ATXN1: variants seen among roughly 807,000 people sequenced by gnomAD.
ATXN1 encodes ataxin 1, also known as ataxin-1.
Under a neutral mutation model 56.4 loss-of-function variants are expected in ATXN1, and 8 were observed. The observed-to-expected ratio is 0.14, with a 90% CI of 0.08 to 0.26. The LOEUF is 0.26. Among genes scored for constraint, ATXN1 ranks in the 10% least tolerant of loss-of-function variants. The probability of loss-of-function intolerance (pLI) is 1.00; values close to 1 mark genes in which losing one functional copy is unlikely to be tolerated. For missense variants in ATXN1, 987 were observed against 1,106.5 expected (o/e 0.89, Z 1.53); for synonymous variants, 514 against 494.6 (o/e 1.04, Z -0.52).
At chr6:16,580,049 T>G (rs143040254) in intron 4 of ATXN1, among the ~76,000 whole-genome samples, 1 of 152,294 alleles carries the variant, frequency 6.6e-6, no homozygotes, top group East Asian at 1.9e-4. Flanking sequence ...AGCTGCTTCT[T>G]GCTAATAAAA....
At chr6:16,491,690 C>G (rs1490856033) in intron 5 of ATXN1, among the ~76,000 whole-genome samples, 1 of 152,148 alleles carries the variant, frequency 6.6e-6, no homozygotes, top group African/African-American at 2.4e-5. Flanking sequence ...CACCTCTTCC[C>G]AGTTAGTCAG....
chr6:16,618,115 G>C (rs1203280557), intron 3 of ATXN1, among the ~76,000 whole-genome samples: 10 of 151,926 alleles, frequency 6.6e-5, no homozygotes, highest in Non-Finnish European at 1.5e-4. Context: ...CCTTTACAGG[G>C]ACATGGATGA....
chr6:16,599,197 C>T lies in ATXN1; in HGVS notation c.-488-13290G>A, dbSNP rs529153729. Among the ~76,000 whole-genome samples the T allele has an allele frequency of 5.9e-5, 9 of 152,274 alleles. No individual in the cohort carries two copies. In the East Asian group the frequency reaches 1.7e-3, roughly 29 times the overall value. On this transcript the variant is annotated intron_variant, in intron 3 of 7. Coordinates refer to ENST00000436367, the MANE Select transcript of ATXN1 (RefSeq NM_001128164.2). ...CCCAGGGATCAGTCTTCCTTCACCT[C>T]ACTCTAAAGGGCCAGCCATCATTGC...
chr6:16,723,876 T>C (rs536564610), intron 2 of ATXN1, among the ~76,000 whole-genome samples: 101 of 152,310 alleles, frequency 6.6e-4, no homozygotes, highest in African/African-American at 2.4e-3. Flanking sequence ...TTTCTGGCTA[T>C]CATGCAATTT....
intron 5 of ATXN1, among the ~76,000 whole-genome samples, chr6:16,514,765 C>T (rs529693115): frequency 1.3e-4 from 19 of 151,998 alleles, no homozygotes; most frequent in Middle Eastern, 3.4e-3. Context: ...GGGCAGATCA[C>T]GAGGTCAAGA....
At chr6:16,560,148 A>T (rs1762090191) in intron 4 of ATXN1, among the ~76,000 whole-genome samples, 1 of 152,252 alleles carries the variant, frequency 6.6e-6, no homozygotes, top group Non-Finnish European at 1.5e-5. Flanking sequence ...TATTCTGCGT[A>T]GCTGAATTTT....
At chr6:16,553,163 G>C (rs1409151277) in intron 4 of ATXN1, among the ~76,000 whole-genome samples, 1 of 152,206 alleles carries the variant, frequency 6.6e-6, no homozygotes, top group Non-Finnish European at 1.5e-5. Flanking sequence ...AAAGAAAACT[G>C]TGGTTTGGGT....
chr6:16,655,338 T>C (rs1021931606), intron 3 of ATXN1, among the ~76,000 whole-genome samples: 2 of 152,072 alleles, frequency 1.3e-5, no homozygotes, highest in African/African-American at 4.8e-5. Context: ...CTGGACAACA[T>C]AGCGAGACCT....
intron 3 of ATXN1, among the ~76,000 whole-genome samples, chr6:16,623,011 C>G (rs552447874): frequency 2.0e-5 from 3 of 152,218 alleles, no homozygotes; most frequent in East Asian, 3.9e-4. Context: ...TGAAATGTAT[C>G]TATATTGCTC....
rs1473852522 is a variant in ATXN1, at chr6:16,506,289, A to G, written c.-299+16338T>C. ...TCGTTTCAAGTTCATCATTTTATTAAGCAATGAGTCAAATGAAGAAAGTGG... is the reference window on the plus strand; with the variant it reads ...TCGTTTCAAGTTCATCATTTTATTAGGCAATGAGTCAAATGAAGAAAGTGG... On this transcript the variant is annotated intron_variant, in intron 5 of 7. Coordinates refer to ENST00000436367, the MANE Select transcript of ATXN1 (RefSeq NM_001128164.2). This position sits in a 1 kb window ranked among gnomAD's most constrained non-coding sequence, Gnocchi z 4.1. 6.6e-6 allele frequency among the ~76,000 whole-genome samples: 1 copy of G among 152,228 alleles called. No homozygotes were observed. The highest frequency in any genetic ancestry group is 2.4e-5 in the African/African-American group (1 of 41,460).
intron 6 of ATXN1, among the ~76,000 whole-genome samples, chr6:16,390,098 G>C (rs1309931116): frequency 6.6e-6 from 1 of 152,108 alleles, no homozygotes; most frequent in Non-Finnish European, 1.5e-5. Flanking sequence ...GTAATGTCTG[G>C]CTAACACGAG....
intron 4 of ATXN1, among the ~76,000 whole-genome samples, chr6:16,528,720 C>T (rs148622108): frequency 1.6e-4 from 25 of 152,142 alleles, no homozygotes; most frequent in African/African-American, 4.8e-4. Flanking sequence ...CCTCATTGTA[C>T]AGATGAGGAA....
intron 6 of ATXN1, among the ~76,000 whole-genome samples, chr6:16,394,561 A>C (rs1758415795): frequency 6.6e-6 from 1 of 152,174 alleles, no homozygotes. Context: ...TTGTTATGAG[A>C]ACATTCAAAT....
At chr6:16,716,662 A>G (rs541187208) in intron 2 of ATXN1, among the ~76,000 whole-genome samples, 35 of 152,334 alleles carry the variant, frequency 2.3e-4, no homozygotes, top group Admixed American at 4.6e-4. Flanking sequence ...CAGATAGTAG[A>G]TATTTCAGGC....
chr6:16,490,586 C>T (rs1760640558), intron 5 of ATXN1, among the ~76,000 whole-genome samples: 1 of 152,156 alleles, frequency 6.6e-6, no homozygotes, highest in African/African-American at 2.4e-5. Context: ...TTGCTGAGTC[C>T]TCCTCTTAAC....
intron 4 of ATXN1, among the ~76,000 whole-genome samples, chr6:16,548,072 C>T (rs1220731861): frequency 1.3e-5 from 2 of 152,192 alleles, no homozygotes; most frequent in Non-Finnish European, 2.9e-5. Context: ...GGACAGCCTA[C>T]TACACATCTA....
At chr6:16,455,870 G>GGTAAAATGCACCAATCAACGCTCT (rs1279326648) in intron 6 of ATXN1, among the ~76,000 whole-genome samples, 3 of 152,022 alleles carry the variant, frequency 2.0e-5, no homozygotes, top group Non-Finnish European at 4.4e-5. Context: ...ATCAGCACTT[G>GGTAAAATGCACCAATCAACGCTCT]GTAAAATGCA....
chr6:16,668,576 G>C (rs1008342911), intron 2 of ATXN1, among the ~76,000 whole-genome samples: 2 of 151,986 alleles, frequency 1.3e-5, no homozygotes, highest in Non-Finnish European at 2.9e-5. Context: ...TAGTTTATTT[G>C]TGACTTTCTC....
At chr6:16,562,457 AG>A (rs1413085068) in intron 4 of ATXN1, among the ~76,000 whole-genome samples, 78 of 36,928 alleles carry the variant, frequency 2.1e-3, no homozygotes, top group African/African-American at 2.9e-3. Flanking sequence ...AAAGAAAAGG[AG>A]AGGAGAGGAG....
Sources: allele counts gnomAD v4.1 joint callset (sites outside exome capture counted in the v4.1 genomes callset), GRCh38; gene constraint gnomAD v4.1.1; non-coding constraint Gnocchi (gnomAD v3.1); transcripts MANE v1.5; gene names NCBI Gene and HGNC (gene_info 2026-07-23, HGNC 2026-07-21).